Variants in MAEL observed in about 807,000 individuals in gnomAD.
The protein encoded by MAEL is protein maelstrom homolog.
In MAEL, 46 loss-of-function variants were observed where a neutral mutation model predicts 62.0. The observed-to-expected ratio is 0.74, with a 90% CI of 0.59 to 0.95. The LOEUF (loss-of-function observed/expected upper bound fraction) is 0.95, where lower values mean the gene tolerates loss of function less well. Among genes scored for constraint, MAEL ranks in the 40% least tolerant of loss-of-function variants. The pLI, the probability that MAEL is intolerant of heterozygous loss-of-function variation, is 0.00. For synonymous variants in MAEL, 172 were observed against 175.5 expected (o/e 0.98, Z 0.16); for missense variants, 497 against 526.8 (o/e 0.94, Z 0.55).
intron 1 of MAEL, among the ~76,000 whole-genome samples, chr1:166,982,555 A>G (rs572385133): frequency 3.3e-5 from 5 of 152,230 alleles, no homozygotes; most frequent in Admixed American, 6.5e-5. Context: ...CTTCACTTAA[A>G]CTACCATCAG....
chr1:166,991,578 A>G, intron 3 of MAEL, 101 bp downstream of exon 3: 1 of 711,988 alleles, frequency 1.4e-6, no homozygotes. Flanking sequence ...CCTCCGTTTC[A>G]AAGTAAATAA....
chr1:167,017,971 AC>A lies in MAEL; in HGVS notation c.1041+13del. On this transcript the variant is annotated intron_variant, in intron 10 of 11. Transcript: ENST00000367872. ...CAGGGCGTTACCAGGTAAGGAACTG[AC>A]TTTTAAGAGCTGCTGGTCTCTTTAG... 1 of 1,611,542 alleles carries A rather than the reference AC, an allele frequency of 6.2e-7. No homozygotes were observed. Among genetic ancestry groups the A allele is most frequent in the Non-Finnish European group, 8.5e-7 (1 of 1,178,582 alleles).
chr1:167,004,826 T>TTGCATA (rs1664823989), intron 6 of MAEL, among the ~76,000 whole-genome samples: 1 of 152,180 alleles, frequency 6.6e-6, no homozygotes, highest in Non-Finnish European at 1.5e-5. Context: ...ACCCTAGGTC[T>TTGCATA]CTCTTGCTTC....
At chr1:167,020,651 C>T (rs1349580103) in intron 10 of MAEL, among the ~76,000 whole-genome samples, 1 of 152,130 alleles carries the variant, frequency 6.6e-6, no homozygotes, top group Non-Finnish European at 1.5e-5. Flanking sequence ...ATTCCTACCA[C>T]TCATCTACGT....
rs1395121262 is a variant in MAEL at position 167,016,216 on chromosome 1, G to C, written c.846-6G>C. 2 of 1,613,010 alleles carry C rather than the reference G, an allele frequency of 1.2e-6. No homozygotes were observed. The highest frequency in any genetic ancestry group is 4.5e-5 in the East Asian group (2 of 44,850). On this transcript the variant is annotated splice_region_variant and splice_polypyrimidine_tract_variant and intron_variant, in intron 8 of 11. Transcript: ENST00000367872. ...TTAGGATATTAAAGTCCATTTTTTT[G>C]TACAGGTGCAAGTGGCATGAAGAAA... is the stretch of plus-strand genomic sequence containing the variant.
At chr1:166,987,384 T>C (rs1423185083), upstream of MAEL, among the ~76,000 whole-genome samples, 1 of 152,234 alleles carries the variant, frequency 6.6e-6, no homozygotes, top group East Asian at 1.9e-4. Flanking sequence ...TGAGTAGTAG[T>C]CTACTAAATG....
At chr1:167,011,563 G>C (rs1179318628) in intron 8 of MAEL, among the ~76,000 whole-genome samples, 1 of 152,022 alleles carries the variant, frequency 6.6e-6, no homozygotes, top group East Asian at 1.9e-4. Context: ...GTTGTCTCTG[G>C]GGTTTTCTTC....
chr1:166,994,326 G>A (rs904750178), intron 5 of MAEL, among the ~76,000 whole-genome samples: 10 of 152,236 alleles, frequency 6.6e-5, no homozygotes, highest in African/African-American at 2.2e-4. Flanking sequence ...GCTGTTCTTA[G>A]TGGCTGGGTA....
chr1:167,009,823 T>C (rs1665089420), intron 8 of MAEL, among the ~76,000 whole-genome samples: 1 of 152,148 alleles, frequency 6.6e-6, no homozygotes, highest in Non-Finnish European at 1.5e-5. Flanking sequence ...GTAATTTAGT[T>C]CTTTTCTGTA....
At chr1:167,006,622 TATATATATATATATACA>T (rs1557982460) in intron 8 of MAEL, among the ~76,000 whole-genome samples, 6 of 95,950 alleles carry the variant, frequency 6.3e-5, no homozygotes, top group African/African-American at 9.1e-5. Flanking sequence ...TATATATATA[TATATATATATATATACA>T]TTTTTTTTTT....
intron 8 of MAEL, among the ~76,000 whole-genome samples, chr1:167,007,813 A>T (rs955909804): frequency 7.2e-5 from 11 of 152,056 alleles, no homozygotes; most frequent in African/African-American, 1.4e-4. Context: ...CACTATTTTT[A>T]AAAAAAGACA....
intron 5 of MAEL, among the ~76,000 whole-genome samples, chr1:166,997,228 C>A (rs998262998): frequency 5.9e-5 from 9 of 152,338 alleles, no homozygotes; most frequent in Admixed American, 5.2e-4. Context: ...ACAAAAAAAT[C>A]TTGTAATGTT....
Position 166,992,776 on chromosome 1 carries a change from T to C in MAEL, c.416T>C (p.Ile139Thr). ...GAACAGCGCTTCCTCCCTTGTGAAA[T>C]TGGCTGTGTTAAGTATTCTCTCCAA... is the stretch of plus-strand genomic sequence containing the variant. ...HCEQRFLPCE[I>T]GCVKYSLQEG... is the part of the protein sequence containing the mutation. The change falls in exon 4 of 12, where the codon ATT becomes ACT. Residue 139 changes from isoleucine to threonine, a missense_variant. Transcript: ENST00000367872. The C allele has an allele frequency of 6.2e-7, 1 of 1,611,666 alleles. No homozygotes were observed. Among genetic ancestry groups the C allele is most frequent in the Non-Finnish European group, 8.5e-7 (1 of 1,179,092 alleles).
intron 8 of MAEL, among the ~76,000 whole-genome samples, chr1:167,013,184 G>A (rs570234156): frequency 1.3e-5 from 2 of 152,282 alleles, no homozygotes; most frequent in Admixed American, 6.5e-5. Flanking sequence ...TCAGTGAAGC[G>A]GTTTGGGTAG....
intron 10 of MAEL, among the ~76,000 whole-genome samples, chr1:167,018,529 C>T (rs1665490293): frequency 6.6e-6 from 1 of 151,920 alleles, no homozygotes; most frequent in Non-Finnish European, 1.5e-5. Flanking sequence ...ATGTATTAAA[C>T]AAGAACAATA....
intron 5 of MAEL, among the ~76,000 whole-genome samples, chr1:166,997,871 C>G (rs1366186636): frequency 1.3e-5 from 2 of 152,010 alleles, no homozygotes; most frequent in Non-Finnish European, 2.9e-5. Context: ...CTGGAATTGA[C>G]TTGTGTATAG....
In MAEL at chr1:167,005,275, A is replaced by C. The variant is rs1664844363; in HGVS notation, c.723A>C (p.Gln241His). Residue 241 changes from glutamine (Q) to histidine (H), a missense_variant, in exon 8 of 12, where the codon CAA becomes CAC. Physicochemically the swap from Gln to His is conservative, Grantham distance 24. Coordinates refer to ENST00000367872, the MANE Select transcript of MAEL (RefSeq NM_032858.3). ...TGGAAGAAATCAGGCAAGATCTACA[A>C]CTTCTCACTGTAGAGGACCTTGTAG... is the stretch of plus-strand genomic sequence containing the variant. ...AKASEIRQDL[Q>H]LLTVEDLVVG... is the part of the protein sequence containing the mutation. The C allele has an allele frequency of 3.1e-6, 5 of 1,612,884 alleles. No homozygotes were observed. The highest frequency in any genetic ancestry group is 4.2e-6 in the Non-Finnish European group (5 of 1,179,590).
chr1:166,992,543 T>C, intron 3 of MAEL, 143 bp from the exon 4 acceptor site: 1 of 562,062 alleles, frequency 1.8e-6, no homozygotes, highest in Non-Finnish European at 3.0e-6. Context: ...TGATTGGTTT[T>C]CTCTTTTCCA....
At chr1:166,982,671 A>G (rs1218501502) in intron 1 of MAEL, among the ~76,000 whole-genome samples, 1 of 152,056 alleles carries the variant, frequency 6.6e-6, no homozygotes, top group Non-Finnish European at 1.5e-5. Flanking sequence ...TAAAAAAAAA[A>G]GTAATAGTCA....
Sources: allele counts gnomAD v4.1 joint callset (sites outside exome capture counted in the v4.1 genomes callset), GRCh38; gene constraint gnomAD v4.1.1; transcripts MANE v1.5; gene names NCBI Gene and HGNC (gene_info 2026-07-23, HGNC 2026-07-21).